The following ROBO2 variants were observed in gnomAD, a reference collection of about 807,000 sequenced individuals.
The protein encoded by ROBO2 is roundabout homolog 2.
ROBO2 carries 53 observed loss-of-function variants against 160.8 expected under a neutral mutation model. The observed-to-expected ratio is 0.33, with a 90% CI of 0.26 to 0.41. The LOEUF (loss-of-function observed/expected upper bound fraction) is 0.41. ROBO2 is among the 10% of genes least tolerant of loss of function. The probability of loss-of-function intolerance (pLI) is 1.00; values close to 1 mark genes in which losing one functional copy is unlikely to be tolerated. For synonymous variants in ROBO2, 664 were observed against 611.7 expected (o/e 1.09, Z -1.26); for missense variants, 1,577 against 1,722.4 (o/e 0.92, Z 1.49).
chr3:76,406,052 A>G (rs1311469938), intron 2 of ROBO2, among the ~76,000 whole-genome samples: 2 of 151,772 alleles, frequency 1.3e-5, no homozygotes, highest in Non-Finnish European at 2.9e-5. Context: ...TTAACATAAA[A>G]ATTACATAAA....
intron 2 of ROBO2, among the ~76,000 whole-genome samples, chr3:76,149,218 C>A (rs1020887363): frequency 6.6e-6 from 1 of 152,090 alleles, no homozygotes; most frequent in South Asian, 2.1e-4. Context: ...TTCACCAAAT[C>A]TCTCCTAATC....
intron 2 of ROBO2, among the ~76,000 whole-genome samples, chr3:76,238,244 T>G (rs560532186): frequency 6.8e-4 from 104 of 152,258 alleles, no homozygotes; most frequent in South Asian, 3.1e-3. Flanking sequence ...GGAAAGAGGT[T>G]TAATTGACTC....
At chr3:76,744,295 C>T (rs1457610490) in intron 2 of ROBO2, among the ~76,000 whole-genome samples, 1 of 151,916 alleles carries the variant, frequency 6.6e-6, no homozygotes, top group Non-Finnish European at 1.5e-5. Context: ...TCTTCTTCCC[C>T]TCCTCTTCCT....
intron 2 of ROBO2, among the ~76,000 whole-genome samples, chr3:77,165,256 C>T (rs564120722): frequency 1.0e-4 from 15 of 148,816 alleles, no homozygotes; most frequent in Non-Finnish European, 1.8e-4. Context: ...TGATCTGTGA[C>T]CTTACCCCCA....
chr3:76,846,513 C>G (rs1273221202), intron 2 of ROBO2, among the ~76,000 whole-genome samples: 1 of 152,030 alleles, frequency 6.6e-6, no homozygotes, highest in Non-Finnish European at 1.5e-5. Context: ...ACTTTAGTAT[C>G]TCTGAATGAC....
At chr3:76,248,288 A>T (rs1488038841) in intron 2 of ROBO2, among the ~76,000 whole-genome samples, 1 of 152,116 alleles carries the variant, frequency 6.6e-6, no homozygotes, top group African/African-American at 2.4e-5. Flanking sequence ...TGGCACACAT[A>T]CATCATGGAA....
intron 2 of ROBO2, among the ~76,000 whole-genome samples, chr3:76,198,909 T>C (rs1702386926): frequency 6.6e-6 from 1 of 152,186 alleles, no homozygotes; most frequent in African/African-American, 2.4e-5. Flanking sequence ...TTGATTGATG[T>C]CTGCCTGTAA....
intron 2 of ROBO2, among the ~76,000 whole-genome samples, chr3:76,825,603 CAAAAAAA>C (rs201063990): frequency 1.2e-4 from 9 of 72,494 alleles, no homozygotes; most frequent in South Asian, 1.3e-3. Flanking sequence ...TCATCTTAGC[CAAAAAAA>C]AAAAAAAAAA....
At chr3:77,572,841 G>A (rs2093671957) in intron 13 of ROBO2, among the ~76,000 whole-genome samples, 1 of 151,962 alleles carries the variant, frequency 6.6e-6, no homozygotes, top group South Asian at 2.1e-4. Flanking sequence ...CTAAAGAAGG[G>A]ATATTAGTAG....
intron 2 of ROBO2, among the ~76,000 whole-genome samples, chr3:77,222,948 G>T (rs1326433060): frequency 2.6e-5 from 4 of 152,158 alleles, no homozygotes; most frequent in East Asian, 1.9e-4. Flanking sequence ...CTGTTGTTTT[G>T]GTAATCCACT....
chr3:76,218,100 C>T (rs185287838), intron 2 of ROBO2, among the ~76,000 whole-genome samples: 19 of 152,230 alleles, frequency 1.2e-4, no homozygotes, highest in East Asian at 9.7e-4. Flanking sequence ...AGACCTTTGA[C>T]GAAATTCAAC....
chr3:76,730,200 TTGTCCTCACCTCCTACTCCCTACCCACC>T lies in ROBO2; in HGVS notation c.110-367812_110-367785del, dbSNP rs2093614096. Among the ~76,000 whole-genome samples, 5 of 143,460 alleles carry T rather than the reference TTGTCCTCACCTCCTACTCCCTACCCACC, an allele frequency of 3.5e-5. No homozygotes were observed. In the East Asian group the frequency reaches 8.6e-4, roughly 25 times the overall value. 94.1% of individuals were successfully genotyped at this position (143,460 alleles called of 152,430 possible). On this transcript the variant is annotated intron_variant, in intron 2 of 26. Transcript: ENST00000487694. ...TCCTCACCTCCTACTCCCTACTCGC[TTGTCCTCACCTCCTACTCCCTACCCACC>T]TCTCCTCACCTCCTACTCCCTACCC...
At chr3:77,320,621 GTACTGA>G (rs2064570500) in intron 2 of ROBO2, among the ~76,000 whole-genome samples, 1 of 151,844 alleles carries the variant, frequency 6.6e-6, no homozygotes, top group Admixed American at 6.6e-5. Flanking sequence ...TTGATGAAAG[GTACTGA>G]TTTGTATGTT....
chr3:76,915,882 G>C (rs2076274939), intron 2 of ROBO2, among the ~76,000 whole-genome samples: 1 of 152,130 alleles, frequency 6.6e-6, no homozygotes, highest in African/African-American at 2.4e-5. Context: ...CCAGTGTGTG[G>C]TGAGGGCCCA....
At chr3:77,050,080 T>C (rs2065065555) in intron 1 of ROBO2, among the ~76,000 whole-genome samples, 1 of 152,226 alleles carries the variant, frequency 6.6e-6, no homozygotes, top group African/African-American at 2.4e-5. Context: ...ATTAAACTTA[T>C]TTAGATATAT....
At chr3:76,834,512 A>G (rs2067493882) in intron 2 of ROBO2, among the ~76,000 whole-genome samples, 1 of 151,918 alleles carries the variant, frequency 6.6e-6, no homozygotes, top group African/African-American at 2.4e-5. Context: ...AGCTGAGATT[A>G]CAGGCACACA....
intron 2 of ROBO2, among the ~76,000 whole-genome samples, chr3:76,286,931 A>G (rs970148472): frequency 6.6e-6 from 1 of 152,206 alleles, no homozygotes; most frequent in African/African-American, 2.4e-5. Context: ...GCTGTAAGAA[A>G]AGGCATTTAA....
At chr3:77,626,550 T>C (rs2095031576) in intron 23 of ROBO2, among the ~76,000 whole-genome samples, 1 of 152,182 alleles carries the variant, frequency 6.6e-6, no homozygotes. Context: ...TCTTCCTAAA[T>C]GCCAAACCGT....
At chr3:76,595,239 T>G (rs1304391848) in intron 2 of ROBO2, among the ~76,000 whole-genome samples, 1 of 152,058 alleles carries the variant, frequency 6.6e-6, no homozygotes, top group Admixed American at 6.6e-5. Context: ...GAATACAGCT[T>G]ATGTGGGGAA....
Sources: allele counts gnomAD v4.1 joint callset (sites outside exome capture counted in the v4.1 genomes callset), GRCh38; gene constraint gnomAD v4.1.1; transcripts MANE v1.5; gene names NCBI Gene and HGNC (gene_info 2026-07-23, HGNC 2026-07-21).